Variants in SIPA1L1 observed in about 807,000 individuals in gnomAD.
SIPA1L1 encodes the protein signal-induced proliferation-associated 1-like protein 1.
A neutral mutation model predicts 162.7 loss-of-function variants in SIPA1L1; 26 were observed. The ratio of observed to expected loss-of-function variants is 0.16; its 90% CI spans 0.12 to 0.22. SIPA1L1 has a LOEUF of 0.22. Ranked by LOEUF, SIPA1L1 falls within the 10% of genes least tolerant of loss-of-function variation. The pLI, the probability that SIPA1L1 is intolerant of heterozygous loss-of-function variation, is 1.00. For missense variants in SIPA1L1, 1,874 were observed against 2,241.0 expected (o/e 0.84, Z 3.31); for synonymous variants, 829 against 837.4 (o/e 0.99, Z 0.17).
chr14:71,688,176 C>CT (rs2081003277), intron 13 of SIPA1L1, among the ~76,000 whole-genome samples: 1 of 152,060 alleles, frequency 6.6e-6, no homozygotes, highest in Non-Finnish European at 1.5e-5. Flanking sequence ...AGAGAAGGTA[C>CT]TATAGATTGA....
At chr14:71,538,538 ATC>A (rs1003155853) in intron 4 of SIPA1L1, among the ~76,000 whole-genome samples, 2 of 152,192 alleles carry the variant, frequency 1.3e-5, no homozygotes, top group African/African-American at 2.4e-5. Flanking sequence ...GCTGTTTCAG[ATC>A]TCTCTGTCCT....
chr14:71,724,953 C>G lies in SIPA1L1; in HGVS notation c.4614+118C>G. ...TTACTGGCTGCTCTTCACTAAGTCT[C>G]ACTTCCTGCTATCATCCCATTTCCC... On this transcript the variant is annotated intron_variant, in intron 19 of 23. Transcript: ENST00000381232. 4.7e-6 allele frequency: 4 copies of G among 849,386 alleles called. No homozygotes were observed. The South Asian group carries it at 5.2e-5, about 11-fold the overall frequency. 52.6% of individuals were successfully genotyped at this position (849,386 alleles called of 1,614,324 possible).
At chr14:71,357,883 A>G (rs1222080658) in intron 2 of SIPA1L1, among the ~76,000 whole-genome samples, 1 of 152,186 alleles carries the variant, frequency 6.6e-6, no homozygotes, top group East Asian at 1.9e-4. Context: ...GCACACCACC[A>G]TGCCCAGCTA....
intron 2 of SIPA1L1, among the ~76,000 whole-genome samples, chr14:71,511,395 C>T (rs892104832): frequency 6.6e-6 from 1 of 152,102 alleles, no homozygotes; most frequent in Non-Finnish European, 1.5e-5. Flanking sequence ...AGCAATTCTC[C>T]CACCTCAGCC....
intron 9 of SIPA1L1, among the ~76,000 whole-genome samples, chr14:71,659,023 G>A (rs902204206): frequency 6.6e-6 from 1 of 152,194 alleles, no homozygotes; most frequent in Admixed American, 6.5e-5. Flanking sequence ...AAGTGAGGTA[G>A]TAAAATGTGG....
chr14:71,691,660 C>T (rs186949256), intron 13 of SIPA1L1, among the ~76,000 whole-genome samples: 1 of 152,138 alleles, frequency 6.6e-6, no homozygotes, highest in Admixed American at 6.5e-5. Context: ...ACCCCCATCC[C>T]TAGGCATGGG....
At chr14:71,627,467 A>G (rs1247300710) in intron 7 of SIPA1L1, among the ~76,000 whole-genome samples, 2 of 152,018 alleles carry the variant, frequency 1.3e-5, no homozygotes, top group East Asian at 1.9e-4. Flanking sequence ...AGTGATGCCC[A>G]TGTCAGTTGT....
chr14:71,491,813 C>CACACA (rs1555437273), intron 2 of SIPA1L1, among the ~76,000 whole-genome samples: 31 of 147,750 alleles, frequency 2.1e-4, no homozygotes, highest in East Asian at 4.0e-4. Context: ...CACACACACA[C>CACACA]CCCTTCCCCC....
At chr14:71,464,887 G>A (rs1280941409) in intron 2 of SIPA1L1, among the ~76,000 whole-genome samples, 2 of 152,112 alleles carry the variant, frequency 1.3e-5, no homozygotes, top group Non-Finnish European at 2.9e-5. Context: ...GGGCCCGCCG[G>A]GACTTTAGTT....
At chr14:71,692,890 C>T (rs2081348460) in intron 13 of SIPA1L1, among the ~76,000 whole-genome samples, 1 of 152,196 alleles carries the variant, frequency 6.6e-6, no homozygotes, top group African/African-American at 2.4e-5. Context: ...GTAGGCTGTG[C>T]TGTCCAGGGG....
chr14:71,334,146 A>T (rs976364485), intron 2 of SIPA1L1, among the ~76,000 whole-genome samples: 5 of 152,218 alleles, frequency 3.3e-5, no homozygotes, highest in African/African-American at 1.2e-4. Context: ...TGGAGCAGTC[A>T]GGTAGGCAGC....
In SIPA1L1 at chr14:71,680,853, G is replaced by T. The variant is rs1430616326; in HGVS notation, c.3105-4509G>T. 4.6e-5 allele frequency among the ~76,000 whole-genome samples: 7 copies of T among 152,140 alleles called. No homozygotes were observed. In the East Asian group the frequency reaches 1.3e-3, roughly 29 times the overall value. On this transcript the variant is annotated intron_variant, in intron 12 of 23. Coordinates refer to ENST00000381232, the MANE Select transcript of SIPA1L1 (RefSeq NM_001386936.1). The stretch of plus-strand genomic sequence containing the variant: ...GGGCCTCGGGTCTTTATAGCCACAG[G>T]ATGGGGGCGTCATGGGCCAGGGTTG...
chr14:71,554,152 A>AT (rs938328607), intron 4 of SIPA1L1, among the ~76,000 whole-genome samples: 1 of 152,004 alleles, frequency 6.6e-6, no homozygotes, highest in Non-Finnish European at 1.5e-5. Flanking sequence ...TAGTTTAGAG[A>AT]TTTTTTTCTG....
At position 71,491,620 on chromosome 14, in the gene SIPA1L1, G is replaced by A. The variant is rs1296105591; in HGVS notation, c.-464-21123G>A. 4.6e-5 allele frequency among the ~76,000 whole-genome samples: 7 copies of A among 151,838 alleles called. No individual in the cohort carries two copies. In the South Asian group the frequency reaches 8.3e-4, roughly 18 times the overall value. On this transcript the variant is annotated intron_variant, in intron 2 of 23. Transcript: ENST00000381232. Reference sequence around the variant, plus strand: ...TGCAATCATGGCTCACTGCAGCCTCGACCTCCCCGGCTCAAGCAATCCTCC... The same window carrying A: ...TGCAATCATGGCTCACTGCAGCCTCAACCTCCCCGGCTCAAGCAATCCTCC...
intron 4 of SIPA1L1, chr14:71,586,816 G>T (rs567783887): frequency 6.6e-6 from 1 of 152,154 alleles, no homozygotes; most frequent in Non-Finnish European, 1.5e-5. Flanking sequence ...GGAAATGCAG[G>T]CATTTTGTTC....
intron 2 of SIPA1L1, among the ~76,000 whole-genome samples, chr14:71,483,208 C>A (rs2048481622): frequency 6.6e-6 from 1 of 152,100 alleles, no homozygotes; most frequent in Admixed American, 6.5e-5. Context: ...GTAGTTTACC[C>A]ACACCATGCA....
At chr14:71,378,205 C>G (rs1364095437) in intron 2 of SIPA1L1, among the ~76,000 whole-genome samples, 1 of 151,020 alleles carries the variant, frequency 6.6e-6, no homozygotes, top group Non-Finnish European at 1.5e-5. Context: ...TTTCTGTTGT[C>G]TTTTTTTCAT....
chr14:71,661,741 A>G (rs1363440937), intron 10 of SIPA1L1, among the ~76,000 whole-genome samples: 2 of 152,178 alleles, frequency 1.3e-5, no homozygotes, highest in African/African-American at 4.8e-5. Flanking sequence ...CCAACCAACT[A>G]ATTACTCATA....
At chr14:71,436,682 C>T (rs1441208047) in intron 2 of SIPA1L1, among the ~76,000 whole-genome samples, 1 of 151,684 alleles carries the variant, frequency 6.6e-6, no homozygotes, top group East Asian at 1.9e-4. Context: ...AGCTGGTCCC[C>T]CTTATTACTC....
Sources: gnomAD v4.1 joint callset for allele counts (sites outside exome capture counted in the v4.1 genomes callset) on GRCh38, gnomAD v4.1.1 for gene constraint, MANE v1.5 for transcripts, NCBI Gene and HGNC (gene_info 2026-07-23, HGNC 2026-07-21) for gene names.